The following PRKACB variants were observed in gnomAD, a reference collection of about 807,000 sequenced individuals.
PRKACB encodes protein kinase cAMP-activated catalytic subunit beta.
PRKACB carries 16 observed loss-of-function variants against 51.4 expected under a neutral mutation model. That is an observed-to-expected ratio of 0.31 (90% CI 0.21 to 0.47). The LOEUF (loss-of-function observed/expected upper bound fraction) is 0.47, where lower values mean the gene tolerates loss of function less well. Among genes scored for constraint, PRKACB ranks in the 20% least tolerant of loss-of-function variants. PRKACB has a pLI of 1.00. For missense variants in PRKACB, 309 were observed against 464.5 expected (o/e 0.67, Z 3.08); for synonymous variants, 147 against 154.4 (o/e 0.95, Z 0.35).
At chr1:84,126,605 A>T (rs183518926) in intron 1 of PRKACB, among the ~76,000 whole-genome samples, 30 of 152,192 alleles carry the variant, frequency 2.0e-4, no homozygotes, top group African/African-American at 7.2e-4. Flanking sequence ...GGGCAGGAAA[A>T]CAGGAATGCA....
At chr1:84,128,808 A>G (rs1651891866) in intron 1 of PRKACB, among the ~76,000 whole-genome samples, 1 of 152,164 alleles carries the variant, frequency 6.6e-6, no homozygotes, top group Admixed American at 6.5e-5. Context: ...CCTATTGCCC[A>G]GTTTTGCCCA....
intron 9 of PRKACB, among the ~76,000 whole-genome samples, chr1:84,216,186 A>G (rs1016504088): frequency 6.6e-6 from 1 of 152,106 alleles, no homozygotes; most frequent in Non-Finnish European, 1.5e-5. Flanking sequence ...AAAAAATACA[A>G]AAATTATCTG....
intron 2 of PRKACB, among the ~76,000 whole-genome samples, chr1:84,179,844 T>C (rs148002002): frequency 0.028 from 4,252 of 151,784 alleles, 211 homozygotes; most frequent in African/African-American, 0.095. Flanking sequence ...ATGTGCAGAA[T>C]GTGCAGGTTT....
At chr1:84,092,986 AT>A (rs930361165) in intron 1 of PRKACB, among the ~76,000 whole-genome samples, 2 of 150,638 alleles carry the variant, frequency 1.3e-5, no homozygotes, top group Non-Finnish European at 3.0e-5. Context: ...TGGGTACAGG[AT>A]TTTCCCCCCA....
At chr1:84,182,428 A>T in intron 3 of PRKACB, 100 bp downstream of exon 3, 1 of 887,796 alleles carries the variant, frequency 1.1e-6, no homozygotes, top group South Asian at 4.8e-5. Flanking sequence ...TGACAGCTTC[A>T]AATAATTTTA....
intron 1 of PRKACB, among the ~76,000 whole-genome samples, chr1:84,168,777 C>T (rs1363278550): frequency 3.3e-5 from 5 of 151,604 alleles, no homozygotes; most frequent in Admixed American, 2.0e-4. Flanking sequence ...AGTGGAAGAT[C>T]CAACACTGCT....
intron 1 of PRKACB, among the ~76,000 whole-genome samples, chr1:84,148,464 G>A (rs1654414452): frequency 7.0e-6 from 1 of 143,596 alleles, no homozygotes; most frequent in South Asian, 2.3e-4. Flanking sequence ...GTTTGATTTT[G>A]AACTCCTTGA....
intron 1 of PRKACB, chr1:84,157,301 A>C (rs1345911639): frequency 6.6e-6 from 1 of 152,172 alleles, no homozygotes; most frequent in Non-Finnish European, 1.5e-5. Context: ...CATTTGCATA[A>C]TTAAATTGTC....
chr1:84,122,810 G>T (rs1651196680), intron 1 of PRKACB, among the ~76,000 whole-genome samples: 1 of 152,038 alleles, frequency 6.6e-6, no homozygotes, highest in Non-Finnish European at 1.5e-5. Context: ...GTTTATGTGA[G>T]AATTTTATAG....
intron 1 of PRKACB, among the ~76,000 whole-genome samples, chr1:84,082,704 A>G (rs569289236): frequency 1.3e-5 from 2 of 152,324 alleles, no homozygotes; most frequent in South Asian, 4.1e-4. Context: ...AGTAGCTACT[A>G]GCCACATGTC....
intron 1 of PRKACB, among the ~76,000 whole-genome samples, chr1:84,177,026 TTAGCA>T: frequency 6.6e-6 from 1 of 152,032 alleles, no homozygotes; most frequent in Non-Finnish European, 1.5e-5. Context: ...CCAGATCCAC[TTAGCA>T]TAAAGTGACA....
At chr1:84,230,591 ATCT>A (rs1183497245) in intron 9 of PRKACB, among the ~76,000 whole-genome samples, 1 of 151,632 alleles carries the variant, frequency 6.6e-6, no homozygotes, top group African/African-American at 2.4e-5. Flanking sequence ...ATTTGTTTGT[ATCT>A]TCTTTTATTT....
At chr1:84,176,756 C>A (rs534146473) in intron 1 of PRKACB, among the ~76,000 whole-genome samples, 1 of 151,852 alleles carries the variant, frequency 6.6e-6, no homozygotes, top group African/African-American at 2.4e-5. Context: ...ATACTCATTT[C>A]TGATAATTTT....
intron 1 of PRKACB, among the ~76,000 whole-genome samples, chr1:84,081,626 T>G (rs1211890731): frequency 6.6e-6 from 1 of 152,180 alleles, no homozygotes; most frequent in South Asian, 2.1e-4. Flanking sequence ...TAAGTTTGTT[T>G]TACTTATCCA....
In PRKACB at chr1:84,147,362, C is replaced by T. The variant is rs1213277657; in HGVS notation, c.187+2814C>T. Among the ~76,000 whole-genome samples the T allele has an allele frequency of 2.6e-5, 4 of 151,964 alleles. No homozygotes were observed. In the East Asian group the frequency reaches 5.8e-4, roughly 22 times the overall value. On this transcript the variant is annotated intron_variant, in intron 1 of 9. Coordinates refer to ENST00000370685, the MANE Select transcript of PRKACB (RefSeq NM_182948.4). ...TTATACAATCTCTCAGACAGTTTACCTCCTATTTGTTAGCCCATTGAATCT... is the reference window on the plus strand; with the variant it reads ...TTATACAATCTCTCAGACAGTTTACTTCCTATTTGTTAGCCCATTGAATCT...
At chr1:84,219,117 T>C (rs1673296741) in intron 9 of PRKACB, among the ~76,000 whole-genome samples, 1 of 152,210 alleles carries the variant, frequency 6.6e-6, no homozygotes, top group Non-Finnish European at 1.5e-5. Context: ...GAATGTCTCC[T>C]TTGCTCTGCA....
chr1:84,188,729 A>G (rs964389019), intron 5 of PRKACB, among the ~76,000 whole-genome samples: 2 of 151,976 alleles, frequency 1.3e-5, no homozygotes, highest in African/African-American at 2.4e-5. Context: ...ATACGTCTAC[A>G]AGATGAGATC....
chr1:84,133,446 C>T (rs1571728089), intron 1 of PRKACB, among the ~76,000 whole-genome samples: 1 of 152,028 alleles, frequency 6.6e-6, no homozygotes, highest in African/African-American at 2.4e-5. Context: ...TTTTATTTTT[C>T]TTATTCCTCA....
intron 1 of PRKACB, among the ~76,000 whole-genome samples, chr1:84,081,801 C>A (rs1033188933): frequency 2.6e-5 from 4 of 152,120 alleles, no homozygotes; most frequent in African/African-American, 7.2e-5. Flanking sequence ...TGTTGAGGCC[C>A]ATGGGTGAAA....
Sources: allele counts gnomAD v4.1 joint callset (sites outside exome capture counted in the v4.1 genomes callset), GRCh38; gene constraint gnomAD v4.1.1; transcripts MANE v1.5; gene names NCBI Gene and HGNC (gene_info 2026-07-23, HGNC 2026-07-21).